The following FAM90A20 variants were observed in gnomAD, a reference collection of about 807,000 sequenced individuals.
FAM90A20 encodes the protein protein FAM90A20.
At chr8:7,297,420 C>G in the FAM90A20 span, 5 of 1,552,780 alleles carry the variant, frequency 3.2e-6, 1 homozygote, top group African/African-American at 5.8e-5. Flanking sequence ...AAACGTCCTG[C>G]GGTGACCTCA....
chr8:7,295,588 G>A, the FAM90A20 span: 24 of 662,976 alleles, frequency 3.6e-5, 3 homozygotes, highest in Non-Finnish European at 5.8e-5. Flanking sequence ...CGCTGCCTGT[G>A]GCTTCAGCTC....
At chr8:7,296,443 C>A in the FAM90A20 span, 37 of 712,538 alleles carry the variant, frequency 5.2e-5, 2 homozygotes, top group Non-Finnish European at 7.7e-5. Flanking sequence ...TCTAGGTAAC[C>A]CTGGTTGATT....
At chr8:7,297,271 A>T in the FAM90A20 span, 73 of 1,392,226 alleles carry the variant, frequency 5.2e-5, 5 homozygotes, top group Non-Finnish European at 4.9e-5. Flanking sequence ...CTCGGCCTGC[A>T]GTCAGGCACC....
the FAM90A20 span, chr8:7,295,678 C>T: frequency 1.4e-6 from 1 of 724,354 alleles, no homozygotes; most frequent in Admixed American, 1.9e-5. Flanking sequence ...CCAGAAGTAC[C>T]AGGTGCCCCA....
At chr8:7,296,075 A>G in the FAM90A20 span, among the ~76,000 whole-genome samples, 3 of 130,586 alleles carry the variant, frequency 2.3e-5, no homozygotes, top group South Asian at 4.4e-4. Flanking sequence ...GGGAAAAGCA[A>G]TGGAATCCAA....
At chr8:7,297,980 C>T in the FAM90A20 span, 1 of 679,460 alleles carries the variant, frequency 1.5e-6, no homozygotes, top group Non-Finnish European at 2.5e-6. Context: ...TGAGGACCTT[C>T]AGGTTTCCTC....
At chr8:7,295,625 C>G in the FAM90A20 span, 1 of 652,114 alleles carries the variant, frequency 1.5e-6, no homozygotes, top group Admixed American at 2.0e-5. Context: ...TCCTTTCCAC[C>G]CACAGCTCAA....
At chr8:7,297,688 G>T in the FAM90A20 span, 15 of 1,400,578 alleles carry the variant, frequency 1.1e-5, no homozygotes, top group East Asian at 2.9e-4. Context: ...GGAGGACACC[G>T]GCCCAGGTGC....
the FAM90A20 span, chr8:7,297,335 A>G: frequency 8.9e-4 from 1,215 of 1,361,230 alleles, 233 homozygotes; most frequent in South Asian, 6.4e-3. Context: ...CCCTGAGGGT[A>G]GCTGCCGAGA....
the FAM90A20 span, chr8:7,296,332 G>C: frequency 2.7e-6 from 2 of 742,614 alleles, no homozygotes; most frequent in Non-Finnish European, 4.9e-6. Flanking sequence ...CATGTTTTCC[G>C]GGAAACCTCC....
chr8:7,295,617 C>G, the FAM90A20 span: 5 of 651,844 alleles, frequency 7.7e-6, 1 homozygote, highest in East Asian at 1.1e-4. Flanking sequence ...ACATCACTTC[C>G]TTTCCACCCA....
the FAM90A20 span, chr8:7,297,422 G>A: frequency 9.0e-6 from 14 of 1,555,196 alleles, 2 homozygotes; most frequent in Non-Finnish European, 9.5e-6. Context: ...ACGTCCTGCG[G>A]TGACCTCACA....
the FAM90A20 span, chr8:7,297,836 C>T: frequency 1.6e-5 from 16 of 985,122 alleles, no homozygotes; most frequent in African/African-American, 2.5e-5. Flanking sequence ...GGAAAACGGA[C>T]GCTGGAGCTC....
At chr8:7,297,102 G>C in the FAM90A20 span, 3 of 1,502,098 alleles carry the variant, frequency 2.0e-6, no homozygotes, top group Non-Finnish European at 2.7e-6. Flanking sequence ...ACCTGTAAGA[G>C]GCCGCGCATG....
the FAM90A20 span, chr8:7,296,264 G>C: frequency 2.8e-5 from 20 of 706,952 alleles, 3 homozygotes; most frequent in Middle Eastern, 3.7e-4. Context: ...CAGGGGGCAC[G>C]GCCTGACCTT....
At chr8:7,296,888 G>C in the FAM90A20 span, among the ~76,000 whole-genome samples, 5 of 137,104 alleles carry the variant, frequency 3.6e-5, 2 homozygotes, top group African/African-American at 1.7e-4. Flanking sequence ...CATCGTTCAT[G>C]TGTCTTTTCC....
At chr8:7,297,321 G>GC in the FAM90A20 span, 1 of 1,362,040 alleles carries the variant, frequency 7.3e-7, no homozygotes, top group Non-Finnish European at 1.0e-6. Flanking sequence ...CCGACACACA[G>GC]CAGCCCTGAG....
the FAM90A20 span, chr8:7,297,416 C>T: frequency 5.2e-6 from 8 of 1,551,842 alleles, 1 homozygote; most frequent in Admixed American, 1.3e-4. Flanking sequence ...AGACAAACGT[C>T]CTGCGGTGAC....
chr8:7,296,062 AG>A, the FAM90A20 span, among the ~76,000 whole-genome samples: 48 of 130,326 alleles, frequency 3.7e-4, 13 homozygotes, highest in East Asian at 2.3e-3. Context: ...TCCCCACGAC[AG>A]GGGGAAAAGC....
Sources: allele counts gnomAD v4.1 joint callset (sites outside exome capture counted in the v4.1 genomes callset), GRCh38; gene constraint gnomAD v4.1.1; transcripts MANE v1.5; gene names NCBI Gene and HGNC (gene_info 2026-07-23, HGNC 2026-07-21).